TTLL5: variants seen among roughly 807,000 people sequenced by gnomAD.
TTLL5 encodes tubulin polyglutamylase TTLL5.
A neutral mutation model predicts 168.4 loss-of-function variants in TTLL5; 132 were observed. The ratio of observed to expected loss-of-function variants is 0.78; its 90% CI spans 0.68 to 0.91. The LOEUF is 0.91. Among genes scored for constraint, TTLL5 ranks in the 40% least tolerant of loss-of-function variants. The probability of loss-of-function intolerance (pLI) is 0.00; values close to 1 mark genes in which losing one functional copy is unlikely to be tolerated. For missense variants in TTLL5, 1,545 were observed against 1,581.5 expected (o/e 0.98, Z 0.39); for synonymous variants, 546 against 558.6 (o/e 0.98, Z 0.32).
At position 75,941,252 on chromosome 14, in the gene TTLL5, T is replaced by C. The variant is rs551386718; in HGVS notation, c.3824-13172T>C. Among the ~76,000 whole-genome samples the C allele has an allele frequency of 3.3e-5, 5 of 152,322 alleles. No individual in the cohort carries two copies. The East Asian group carries it at 9.7e-4, about 29-fold the overall frequency. On this transcript the variant is annotated intron_variant, in intron 31 of 31. Transcript: ENST00000298832. Reference sequence around the variant, plus strand: ...TTGTGACAACCCAGGCAAGGTTTCATGAAATGGATCTGATGTTCTTGTGCC... The same window carrying C: ...TTGTGACAACCCAGGCAAGGTTTCACGAAATGGATCTGATGTTCTTGTGCC...
chr14:75,746,986 C>A (rs1343679935), intron 17 of TTLL5, among the ~76,000 whole-genome samples: 4 of 152,070 alleles, frequency 2.6e-5, no homozygotes, highest in Non-Finnish European at 4.4e-5. Flanking sequence ...AATTTGGAAA[C>A]CTTTTGGCCT....
chr14:75,682,281 G>A (rs745315012), intron 4 of TTLL5, among the ~76,000 whole-genome samples: 2 of 152,094 alleles, frequency 1.3e-5, no homozygotes, highest in African/African-American at 2.4e-5. Flanking sequence ...GAAAAGGCAG[G>A]CCTTTGGAAG....
chr14:75,843,671 A>G (rs1462632255), intron 28 of TTLL5, among the ~76,000 whole-genome samples: 3 of 152,166 alleles, frequency 2.0e-5, no homozygotes, highest in Non-Finnish European at 2.9e-5. Flanking sequence ...CATCTGTAAC[A>G]TGAGGCAAGG....
intron 30 of TTLL5, among the ~76,000 whole-genome samples, chr14:75,893,482 A>G (rs2032502614): frequency 6.6e-6 from 1 of 152,222 alleles, no homozygotes. Flanking sequence ...TGTTGATAAT[A>G]AACTTTCAGT....
intron 31 of TTLL5, among the ~76,000 whole-genome samples, chr14:75,937,455 G>A (rs943338179): frequency 6.6e-6 from 1 of 151,762 alleles, no homozygotes; most frequent in African/African-American, 2.4e-5. Context: ...CATCACCACC[G>A]TTCACCTCCA....
At chr14:75,931,199 TTG>T (rs2034266051) in intron 31 of TTLL5, among the ~76,000 whole-genome samples, 1 of 152,148 alleles carries the variant, frequency 6.6e-6, no homozygotes. Flanking sequence ...ACACGTCTCT[TTG>T]GATCCATGTT....
At chr14:75,880,298 G>C (rs1006674378) in intron 29 of TTLL5, among the ~76,000 whole-genome samples, 4 of 152,034 alleles carry the variant, frequency 2.6e-5, no homozygotes, top group Non-Finnish European at 5.9e-5. Flanking sequence ...TTCAGATTTT[G>C]GGGGAAAAAA....
intron 27 of TTLL5, among the ~76,000 whole-genome samples, chr14:75,806,706 T>C (rs1325546432): frequency 3.3e-5 from 5 of 152,204 alleles, no homozygotes; most frequent in Non-Finnish European, 7.3e-5. Context: ...GACAGTGAAC[T>C]CCTTGAGGGC....
intron 31 of TTLL5, among the ~76,000 whole-genome samples, chr14:75,934,645 A>C (rs2034380329): frequency 6.6e-6 from 1 of 152,188 alleles, no homozygotes; most frequent in South Asian, 2.1e-4. Context: ...GGAAGGAAGG[A>C]GGGATAAAGT....
chr14:75,942,182 C>CA (rs36054096), intron 31 of TTLL5, among the ~76,000 whole-genome samples: 99 of 140,172 alleles, frequency 7.1e-4, no homozygotes, highest in East Asian at 1.9e-3. Flanking sequence ...GACTCTGTCT[C>CA]AAAAAAAAAA....
At chr14:75,836,239 A>G (rs1463686290) in intron 28 of TTLL5, among the ~76,000 whole-genome samples, 3 of 152,216 alleles carry the variant, frequency 2.0e-5, no homozygotes, top group Non-Finnish European at 4.4e-5. Context: ...GTCATTTGCA[A>G]CAACATGATG....
chr14:75,857,673 C>A (rs2139919697), intron 28 of TTLL5, among the ~76,000 whole-genome samples: 1 of 146,220 alleles, frequency 6.8e-6, no homozygotes. Context: ...GAGGGGGAGA[C>A]AAGAGTCTCA....
intron 10 of TTLL5, 58 bp from the exon 11 acceptor site, chr14:75,719,677 T>A (rs1403856315): frequency 6.9e-7 from 1 of 1,441,856 alleles, no homozygotes; most frequent in Non-Finnish European, 9.3e-7. Flanking sequence ...GCAAAGAGTC[T>A]TGTTATTATA....
At chr14:75,717,686 G>A in intron 9 of TTLL5, 175 bp from the exon 10 acceptor site, 1 of 589,512 alleles carries the variant, frequency 1.7e-6, no homozygotes. Context: ...TTTAAGGATT[G>A]AATTAAGTAT....
intron 12 of TTLL5, among the ~76,000 whole-genome samples, chr14:75,722,194 A>G (rs1843175261): frequency 6.6e-6 from 1 of 151,710 alleles, no homozygotes; most frequent in Non-Finnish European, 1.5e-5. Flanking sequence ...TCTGCCTTGC[A>G]TGCTCCCATT....
intron 28 of TTLL5, among the ~76,000 whole-genome samples, chr14:75,841,139 A>G (rs1896211897): frequency 1.3e-5 from 2 of 152,138 alleles, no homozygotes; most frequent in South Asian, 4.1e-4. Flanking sequence ...CCATCATCCA[A>G]TCACCTCCCA....
At chr14:75,878,893 G>A (rs1206925695) in intron 29 of TTLL5, among the ~76,000 whole-genome samples, 2 of 152,066 alleles carry the variant, frequency 1.3e-5, no homozygotes, top group East Asian at 1.9e-4. Context: ...AACACACTAG[G>A]CACTGTTTAA....
chr14:75,786,886 A>G lies in TTLL5; in HGVS notation c.2986+3356A>G, dbSNP rs181495209. On this transcript the variant is annotated intron_variant, in intron 26 of 31. Transcript: ENST00000298832. ...AGCGTCTTATGCCTATAATCCCAGC[A>G]CTTTCGGAGGCCGAGTTAGGCAGAT... Among the ~76,000 whole-genome samples the G allele has an allele frequency of 4.6e-5, 7 of 152,322 alleles. No individual in the cohort carries two copies. In the East Asian group the frequency reaches 1.3e-3, roughly 29 times the overall value.
rs1890963625 is a variant in TTLL5, at chr14:75,766,188, G to A, written c.1835G>A (p.Arg612Lys). The A allele has an allele frequency of 1.2e-6, 2 of 1,613,892 alleles. No homozygotes were observed. The highest frequency in any genetic ancestry group is 3.3e-5 in the Admixed American group (2 of 59,988). The change falls in exon 20 of 32, where the codon AGA becomes AAA. Residue 612 changes from arginine to lysine, a missense_variant. Arg to Lys is a conservative substitution (Grantham distance 26, BLOSUM62 2). Coordinates refer to ENST00000298832, the MANE Select transcript of TTLL5 (RefSeq NM_015072.5). ...ASQEESAGFL[R>K]ENQAKYTPSL... ...CAGGAGGAGTCTGCAGGATTTCTTA[G>A]AGAAAATCAAGCCAAATATACACCC...
Sources: allele counts gnomAD v4.1 joint callset (sites outside exome capture counted in the v4.1 genomes callset), GRCh38; gene constraint gnomAD v4.1.1; transcripts MANE v1.5; gene names NCBI Gene and HGNC (gene_info 2026-07-23, HGNC 2026-07-21).